DCT: variants seen among roughly 807,000 people sequenced by gnomAD.
DCT encodes the protein dopachrome tautomerase.
A neutral mutation model predicts 53.0 loss-of-function variants in DCT; 47 were observed. That is an observed-to-expected ratio of 0.89 (90% confidence interval 0.70 to 1.13). The LOEUF (loss-of-function observed/expected upper bound fraction) is 1.13, where lower values mean the gene tolerates loss of function less well. Among genes scored for constraint, DCT ranks in the 50% most tolerant of loss-of-function variants. The pLI is 0.00. For missense variants in DCT, 669 were observed against 637.4 expected, an observed-to-expected ratio of 1.05 and a Z score of -0.53; for synonymous variants, 244 against 237.0, an observed-to-expected ratio of 1.03 and a Z score of -0.27.
chr13:94,518,161 G>A, the DCT span, among the ~76,000 whole-genome samples: 25,571 of 106,372 alleles, frequency 0.24, 2,897 homozygotes, highest in East Asian at 0.53. Context: ...AAGGAATGAA[G>A]GAAGGAAGGA....
the DCT span, among the ~76,000 whole-genome samples, chr13:94,511,384 GAGTCTCACT>G: frequency 6.7e-6 from 1 of 148,632 alleles, no homozygotes; most frequent in Non-Finnish European, 1.5e-5. Flanking sequence ...TTTTGAGATG[GAGTCTCACT>G]CTGTCACCCA....
At chr13:94,548,550 A>C in the DCT span, among the ~76,000 whole-genome samples, 2 of 151,964 alleles carry the variant, frequency 1.3e-5, no homozygotes, top group South Asian at 4.2e-4. Flanking sequence ...CATCCCTGCA[A>C]CTTCTCCCCT....
chr13:94,467,430 G>A (rs1365182838), intron 2 of DCT: 2 of 152,166 alleles, frequency 1.3e-5, no homozygotes, highest in Non-Finnish European at 2.9e-5. Context: ...GAACAGACGT[G>A]AATATAAATT....
At chr13:94,543,233 G>A in the DCT span, among the ~76,000 whole-genome samples, 3 of 152,120 alleles carry the variant, frequency 2.0e-5, no homozygotes, top group South Asian at 2.1e-4. Flanking sequence ...AAGAGATAAC[G>A]AGGTAATAGA....
rs114697680 is a variant in DCT at position 94,474,693 on chromosome 13, G to A, written c.295+4268C>T. On this transcript the variant is annotated intron_variant, in intron 1 of 7. Coordinates refer to ENST00000377028, the MANE Select transcript of DCT (RefSeq NM_001922.5). ...GTGAATAGCAAATTCAAAGTCTCCT[G>A]CAATTCAGCTCTTCCTGACAATTAA... is the stretch of plus-strand genomic sequence containing the variant. Among the ~76,000 whole-genome samples the A allele has an allele frequency of 3.7e-3, 571 of 152,272 alleles. 2 individuals carry two copies. The highest frequency in any genetic ancestry group is 0.014 in the Middle Eastern group (4 of 294).
At chr13:94,529,272 G>C in the DCT span, among the ~76,000 whole-genome samples, 1 of 152,296 alleles carries the variant, frequency 6.6e-6, no homozygotes, top group South Asian at 2.1e-4. Context: ...ATTGAACTCA[G>C]CTCTGGACCA....
At chr13:94,459,815 C>A (rs1048695727) in intron 6 of DCT, among the ~76,000 whole-genome samples, 4 of 152,122 alleles carry the variant, frequency 2.6e-5, no homozygotes, top group African/African-American at 9.7e-5. Flanking sequence ...AATGAAAAAT[C>A]ATTTATTATT....
chr13:94,509,621 G>A, the DCT span, among the ~76,000 whole-genome samples: 4 of 152,186 alleles, frequency 2.6e-5, no homozygotes, highest in African/African-American at 9.7e-5. Flanking sequence ...TTTTAGGAGT[G>A]TTATCTCAGC....
intron 6 of DCT, among the ~76,000 whole-genome samples, chr13:94,453,410 TATA>T (rs1283745587): frequency 2.0e-5 from 3 of 152,192 alleles, no homozygotes; most frequent in African/African-American, 7.2e-5. Context: ...TTATAAATAA[TATA>T]AAAATCATAA....
the DCT span, among the ~76,000 whole-genome samples, chr13:94,547,984 A>AAT: frequency 6.4e-4 from 42 of 65,816 alleles, no homozygotes; most frequent in African/African-American, 3.3e-3. Context: ...AAAAAAAAAA[A>AAT]ATATATATAT....
At chr13:94,520,530 T>C in the DCT span, among the ~76,000 whole-genome samples, 6 of 152,240 alleles carry the variant, frequency 3.9e-5, no homozygotes, top group Non-Finnish European at 8.8e-5. Flanking sequence ...AGATCAGTTG[T>C]GGCTTTTGTA....
At chr13:94,514,042 A>G in the DCT span, among the ~76,000 whole-genome samples, 1 of 144,334 alleles carries the variant, frequency 6.9e-6, no homozygotes, top group Non-Finnish European at 1.5e-5. Context: ...CTTGATTTAG[A>G]TGTAAAAGGT....
At chr13:94,517,043 G>C in the DCT span, among the ~76,000 whole-genome samples, 1 of 152,086 alleles carries the variant, frequency 6.6e-6, no homozygotes, top group Non-Finnish European at 1.5e-5. Context: ...GCACCTCAAG[G>C]CATACTAATT....
chr13:94,529,230 A>G, the DCT span, among the ~76,000 whole-genome samples: 1 of 152,188 alleles, frequency 6.6e-6, no homozygotes, highest in Non-Finnish European at 1.5e-5. Flanking sequence ...AGACAGATCA[A>G]TGAGACAGAA....
chr13:94,509,436 C>T, the DCT span, among the ~76,000 whole-genome samples: 1 of 151,682 alleles, frequency 6.6e-6, no homozygotes, highest in Non-Finnish European at 1.5e-5. Flanking sequence ...CCCACACACA[C>T]ACAGAGGAGT....
At chr13:94,485,012 G>A in the DCT span, among the ~76,000 whole-genome samples, 60 of 150,034 alleles carry the variant, frequency 4.0e-4, no homozygotes, top group Non-Finnish European at 6.2e-4. Context: ...TGGTTGACCC[G>A]TCTTTATTGT....
At chr13:94,456,347 G>A (rs1883413403) in intron 6 of DCT, among the ~76,000 whole-genome samples, 1 of 152,106 alleles carries the variant, frequency 6.6e-6, no homozygotes, top group African/African-American at 2.4e-5. Context: ...CATCAGGCAA[G>A]CTTAGAATCA....
At chr13:94,542,459 G>A in the DCT span, among the ~76,000 whole-genome samples, 1 of 152,158 alleles carries the variant, frequency 6.6e-6, no homozygotes, top group Non-Finnish European at 1.5e-5. Context: ...CCAAAGTGCT[G>A]GGATTACAGG....
In DCT at chr13:94,466,582, C is replaced by G. The variant is rs767259356; in HGVS notation, c.672G>C (p.Leu224Phe). The change falls in exon 3 of 8, where the codon TTG becomes TTC. Residue 224 changes from leucine (L) to phenylalanine (F), a missense_variant. Leu to Phe is a conservative substitution (Grantham distance 22, BLOSUM62 0). Transcript: ENST00000377028. ...PAFVTWHRYH[L>F]LCLERDLQRL... is the part of the protein sequence containing the mutation. The stretch of plus-strand genomic sequence containing the variant: ...CCTGGAGATCTCTTTCCAGACACAA[C>G]AAATGGTACCGGTGCCAGGTAACAA... 6.2e-7 allele frequency: 1 copy of G among 1,610,918 alleles called. No homozygotes were observed.
Sources: gnomAD v4.1 joint callset for allele counts (sites outside exome capture counted in the v4.1 genomes callset) on GRCh38, gnomAD v4.1.1 for gene constraint, MANE v1.5 for transcripts, NCBI Gene and HGNC (gene_info 2026-07-23, HGNC 2026-07-21) for gene names.